Variants in CCDC144A observed in about 807,000 individuals in gnomAD.
The protein encoded by CCDC144A is coiled-coil domain-containing protein 144A.
CCDC144A carries 41 observed loss-of-function variants against 143.8 expected under a neutral mutation model. The ratio of observed to expected loss-of-function variants is 0.29; its 90% CI spans 0.22 to 0.37. The LOEUF is 0.37. CCDC144A is among the 10% of genes least tolerant of loss of function. CCDC144A has a pLI of 1.00. For missense variants in CCDC144A, 637 were observed against 1,488.8 expected (o/e 0.43, Z 9.41); for synonymous variants, 242 against 517.9 (o/e 0.47, Z 7.23).
In CCDC144A at chr17:16,709,635, T is replaced by G. The variant is rs775226278; in HGVS notation, c.1578T>G (p.Asp526Glu). 6.8e-6 allele frequency: 11 copies of G among 1,610,850 alleles called. No homozygotes were observed. The highest frequency in any genetic ancestry group is 4.0e-5 in the African/African-American group (3 of 74,760). ...LKKEDVQLHKDVEEEMEKHRS... is the reference protein window; with the variant it reads ...LKKEDVQLHKEVEEEMEKHRS... ...AAGAAGATGTTCAACTTCATAAAGA[T>G]GTAGGGTTTTACTTGCTGCCACTCT... The change falls in exon 5 of 17, where the codon GAT becomes GAG. Residue 526 changes from aspartate to glutamate, a missense_variant and splice_region_variant. Asp to Glu is a conservative substitution (Grantham distance 45). Coordinates refer to ENST00000399273, the MANE Select transcript of CCDC144A (RefSeq NM_001382000.1).
the CCDC144A span, among the ~76,000 whole-genome samples, chr17:16,679,003 C>T: frequency 6.6e-6 from 1 of 151,968 alleles, no homozygotes; most frequent in Non-Finnish European, 1.5e-5. Context: ...ATCCGCCCGC[C>T]TCGGCCTTCC....
intron 11 of CCDC144A, among the ~76,000 whole-genome samples, chr17:16,734,363 T>C (rs1488254052): frequency 6.6e-6 from 1 of 152,204 alleles, no homozygotes; most frequent in Non-Finnish European, 1.5e-5. Flanking sequence ...TGTCAGAGTG[T>C]AAAGCCAATT....
At chr17:16,766,645 C>T (rs1219778824) in intron 15 of CCDC144A, among the ~76,000 whole-genome samples, 3 of 152,186 alleles carry the variant, frequency 2.0e-5, no homozygotes, top group Non-Finnish European at 4.4e-5. Context: ...GAGGCTGAGG[C>T]AGGAGAATTG....
chr17:16,753,664 C>T (rs1818043), intron 12 of CCDC144A, among the ~76,000 whole-genome samples: 2 of 152,132 alleles, frequency 1.3e-5, no homozygotes, highest in East Asian at 1.9e-4. Flanking sequence ...CTAACAGGCT[C>T]TTTTGGTGGC....
At chr17:16,770,517 A>C (rs534282280) in intron 15 of CCDC144A, among the ~76,000 whole-genome samples, 2 of 152,232 alleles carry the variant, frequency 1.3e-5, no homozygotes, top group Admixed American at 1.3e-4. Flanking sequence ...GAATAACTCC[A>C]GGCTCAGTGA....
intron 12 of CCDC144A, among the ~76,000 whole-genome samples, chr17:16,748,144 A>G (rs564284764): frequency 1.4e-4 from 22 of 152,204 alleles, no homozygotes; most frequent in Non-Finnish European, 8.8e-5. Flanking sequence ...TCGCCTCCCA[A>G]CATGCTGGGG....
chr17:16,720,510 C>G lies in CCDC144A; in HGVS notation c.1750-7C>G, dbSNP rs1407465066. ...GACATTTTGAAACAGTATTATTTATCTTATAGGTCAAAAACCAAATATATC... is the reference window on the plus strand; with the variant it reads ...GACATTTTGAAACAGTATTATTTATGTTATAGGTCAAAAACCAAATATATC... On this transcript the variant is annotated splice_polypyrimidine_tract_variant and splice_region_variant and intron_variant, in intron 7 of 16. Coordinates refer to ENST00000399273, the MANE Select transcript of CCDC144A (RefSeq NM_001382000.1). 6.3e-7 allele frequency: 1 copy of G among 1,595,488 alleles called. No individual in the cohort carries two copies. Among genetic ancestry groups the G allele is most frequent in the African/African-American group, 1.3e-5 (1 of 74,552 alleles).
chr17:16,726,284 G>A (rs1913416853), intron 8 of CCDC144A, among the ~76,000 whole-genome samples: 1 of 151,328 alleles, frequency 6.6e-6, no homozygotes, highest in African/African-American at 2.4e-5. Flanking sequence ...GGGAGCCTGA[G>A]GCAGGAGAAT....
the CCDC144A span, among the ~76,000 whole-genome samples, chr17:16,670,518 A>T: frequency 6.9e-6 from 1 of 144,962 alleles, no homozygotes; most frequent in South Asian, 2.2e-4. Flanking sequence ...ATATTATTTT[A>T]TTTTTTTGAG....
chr17:16,683,879 G>A, the CCDC144A span: 21 of 1,364,376 alleles, frequency 1.5e-5, no homozygotes, highest in Non-Finnish European at 2.2e-5. Context: ...CTTCGTCGTC[G>A]TCTACGCTGA....
the CCDC144A span, among the ~76,000 whole-genome samples, chr17:16,673,387 ATT>A: frequency 7.2e-5 from 10 of 138,526 alleles, no homozygotes; most frequent in Middle Eastern, 3.4e-3. Flanking sequence ...AGTTATCTTC[ATT>A]TTTTTTTTTT....
intron 1 of CCDC144A, among the ~76,000 whole-genome samples, chr17:16,692,559 T>A (rs1414227607): frequency 6.9e-6 from 1 of 145,018 alleles, no homozygotes; most frequent in East Asian, 2.0e-4. Flanking sequence ...ACAAATTATT[T>A]CATTGCTTCA....
chr17:16,767,406 C>T (rs1915649597), intron 15 of CCDC144A: 1 of 151,932 alleles, frequency 6.6e-6, no homozygotes, highest in Non-Finnish European at 1.5e-5. Flanking sequence ...AAGAAGGTGC[C>T]TTCTAGAGTT....
chr17:16,763,317 G>A (rs1241901198), intron 14 of CCDC144A, among the ~76,000 whole-genome samples: 7 of 151,440 alleles, frequency 4.6e-5, no homozygotes, highest in Non-Finnish European at 8.8e-5. Context: ...AAAAGTCGCC[G>A]TGAATGATTC....
chr17:16,682,060 A>G, the CCDC144A span, among the ~76,000 whole-genome samples: 4 of 152,082 alleles, frequency 2.6e-5, no homozygotes, highest in Non-Finnish European at 5.9e-5. Context: ...AAATGTCTGC[A>G]GTAGAGCCCT....
intron 12 of CCDC144A, chr17:16,745,681 T>C: frequency 1.2e-6 from 2 of 1,612,774 alleles, no homozygotes; most frequent in Non-Finnish European, 1.7e-6. Flanking sequence ...CCTTCTGCCT[T>C]GCAGATCCTC....
chr17:16,758,763 A>G (rs1403291468), intron 12 of CCDC144A, among the ~76,000 whole-genome samples: 2 of 152,126 alleles, frequency 1.3e-5, no homozygotes, highest in Non-Finnish European at 2.9e-5. Context: ...TTAGGTCCTA[A>G]GGCCTCTTTT....
At chr17:16,710,883 T>G (rs1912366312) in intron 5 of CCDC144A, among the ~76,000 whole-genome samples, 4 of 151,344 alleles carry the variant, frequency 2.6e-5, no homozygotes, top group Admixed American at 2.6e-4. Flanking sequence ...TAATGGCACT[T>G]TAGGGGCTTT....
chr17:16,767,974 C>T lies in CCDC144A; in HGVS notation c.4098+3799C>T, dbSNP rs374119492. 2.6e-4 allele frequency among the ~76,000 whole-genome samples: 39 copies of T among 152,362 alleles called. No homozygotes were observed. The South Asian group carries it at 6.8e-3, about 27-fold the overall frequency. On this transcript the variant is annotated intron_variant, in intron 15 of 16. Coordinates refer to ENST00000399273, the MANE Select transcript of CCDC144A (RefSeq NM_001382000.1). ...AGGTTTTATTTTCTGCAACCGGTTA[C>T]GGGGTTACAAGGAAGGCCTGGAAAT... is the stretch of plus-strand genomic sequence containing the variant.
Sources: gnomAD v4.1 joint callset for allele counts (sites outside exome capture counted in the v4.1 genomes callset) on GRCh38, gnomAD v4.1.1 for gene constraint, MANE v1.5 for transcripts, NCBI Gene and HGNC (gene_info 2026-07-23, HGNC 2026-07-21) for gene names.